CSMD1: variants seen among roughly 807,000 people sequenced by gnomAD.
CSMD1 encodes CUB and sushi domain-containing protein 1.
Under a neutral mutation model 417.5 loss-of-function variants are expected in CSMD1, and 213 were observed. The observed-to-expected ratio is 0.51, with a 90% CI of 0.46 to 0.57. The LOEUF (loss-of-function observed/expected upper bound fraction) is 0.57, where lower values mean the gene tolerates loss of function less well. Ranked by LOEUF, CSMD1 falls within the 20% of genes least tolerant of loss-of-function variation. The pLI is 0.00. For missense variants in CSMD1, 6,923 were observed against 4,529.7 expected (o/e 1.53, Z -15.17); for synonymous variants, 2,862 against 1,736.8 (o/e 1.65, Z -16.11).
intron 26 of CSMD1, among the ~76,000 whole-genome samples, chr8:3,265,828 G>A (rs1215650210): frequency 6.6e-6 from 1 of 152,066 alleles, no homozygotes; most frequent in African/African-American, 2.4e-5. Flanking sequence ...TTTGCTTGGT[G>A]GAGACCTGGG....
chr8:3,275,500 C>G (rs998992231), intron 26 of CSMD1, among the ~76,000 whole-genome samples: 4 of 152,164 alleles, frequency 2.6e-5, no homozygotes, highest in Non-Finnish European at 5.9e-5. Context: ...GGGAAGTTCT[C>G]CTGGATAATA....
chr8:3,659,243 C>G (rs1462143637), intron 7 of CSMD1, among the ~76,000 whole-genome samples: 1 of 152,120 alleles, frequency 6.6e-6, no homozygotes, highest in Non-Finnish European at 1.5e-5. Context: ...TATATTTATT[C>G]CTATGAGAAC....
intron 2 of CSMD1, among the ~76,000 whole-genome samples, chr8:4,542,456 T>C (rs771256307): frequency 6.6e-6 from 1 of 152,220 alleles, no homozygotes; most frequent in Non-Finnish European, 1.5e-5. Context: ...CTGAGAACAA[T>C]GGGATATTTG....
At chr8:3,439,296 TATATATA>T (rs1563390407) in intron 12 of CSMD1, among the ~76,000 whole-genome samples, 1 of 50,524 alleles carries the variant, frequency 2.0e-5, no homozygotes, top group Non-Finnish European at 3.4e-5. Context: ...TATATATATA[TATATATA>T]TATATATTTT....
chr8:4,668,700 T>C (rs1488696608), intron 1 of CSMD1, among the ~76,000 whole-genome samples: 3 of 152,014 alleles, frequency 2.0e-5, no homozygotes, highest in Non-Finnish European at 4.4e-5. Flanking sequence ...TCTCCCCGCG[T>C]CAGCCTCCCA....
intron 37 of CSMD1, among the ~76,000 whole-genome samples, chr8:3,179,165 TC>T (rs1280410906): frequency 2.0e-5 from 3 of 151,556 alleles, no homozygotes; most frequent in Non-Finnish European, 4.4e-5. Context: ...CAGGACTGTC[TC>T]GATCTCCTGA....
intron 1 of CSMD1, among the ~76,000 whole-genome samples, chr8:4,680,572 T>G (rs1218976158): frequency 6.6e-6 from 1 of 152,028 alleles, no homozygotes; most frequent in Non-Finnish European, 1.5e-5. Flanking sequence ...GCCACCACAT[T>G]CTAAGATAGT....
At chr8:3,733,230 T>G (rs563297357) in intron 6 of CSMD1, among the ~76,000 whole-genome samples, 1 of 146,522 alleles carries the variant, frequency 6.8e-6, no homozygotes, top group Non-Finnish European at 1.5e-5. Context: ...TACATACACA[T>G]ACATATATTA....
chr8:3,785,170 T>G (rs1799387106), intron 5 of CSMD1, among the ~76,000 whole-genome samples: 1 of 152,214 alleles, frequency 6.6e-6, no homozygotes, highest in Non-Finnish European at 1.5e-5. Context: ...AGTGCCTGTC[T>G]GCATGATGGA....
In CSMD1 at chr8:2,998,061, G is replaced by T. The variant is rs1218554416; in HGVS notation, c.8327C>A (p.Ala2776Asp). ...CCACTGGCCGTTGCTCCGACACTGG[G>T]CTCGAGACACGCCCTGCAGCAAATA... ...TGYLLQGVSR[A>D]QCRSNGQWSS... Residue 2776 changes from alanine to aspartate, a missense_variant, in exon 54 of 70, where the codon GCC (alanine) becomes GAC (aspartate). By Grantham distance (126) the Ala-to-Asp change is moderately radical. Transcript: ENST00000635120. The T allele has an allele frequency of 6.2e-7, 1 of 1,613,986 alleles. No homozygotes were observed. Among genetic ancestry groups the T allele is most frequent in the Non-Finnish European group, 8.5e-7 (1 of 1,179,864 alleles).
At chr8:4,932,177 G>C (rs950916335) in intron 1 of CSMD1, among the ~76,000 whole-genome samples, 1 of 152,068 alleles carries the variant, frequency 6.6e-6, no homozygotes, top group South Asian at 2.1e-4. Flanking sequence ...AGATAGCTTT[G>C]CTATAATTAA....
At chr8:4,274,403 C>G (rs1010803923) in intron 3 of CSMD1, among the ~76,000 whole-genome samples, 32 of 152,236 alleles carry the variant, frequency 2.1e-4, no homozygotes, top group South Asian at 1.5e-3. Context: ...TATCAACGTG[C>G]TCAAAATGTC....
At chr8:4,077,933 C>A (rs947281688) in intron 3 of CSMD1, among the ~76,000 whole-genome samples, 1 of 152,228 alleles carries the variant, frequency 6.6e-6, no homozygotes, top group South Asian at 2.1e-4. Context: ...ATCACAAAAT[C>A]CTTTACATAC....
At chr8:4,500,903 G>A (rs964139480) in intron 2 of CSMD1, among the ~76,000 whole-genome samples, 1 of 152,126 alleles carries the variant, frequency 6.6e-6, no homozygotes. Flanking sequence ...AAACAAAGGT[G>A]TTTGTATAAC....
intron 1 of CSMD1, among the ~76,000 whole-genome samples, chr8:4,918,631 G>C (rs969990826): frequency 2.0e-5 from 3 of 152,150 alleles, no homozygotes; most frequent in African/African-American, 7.2e-5. Context: ...CGTTACTTCA[G>C]ATTGATAAAT....
chr8:4,306,734 T>C (rs1385941364), intron 3 of CSMD1, among the ~76,000 whole-genome samples: 1 of 152,050 alleles, frequency 6.6e-6, no homozygotes, highest in Non-Finnish European at 1.5e-5. Flanking sequence ...TCTAAATGAG[T>C]GCCCGACCGC....
At chr8:3,748,507 C>A (rs1174053424) in intron 6 of CSMD1, among the ~76,000 whole-genome samples, 1 of 152,080 alleles carries the variant, frequency 6.6e-6, no homozygotes, top group African/African-American at 2.4e-5. Context: ...CCATTCCTTC[C>A]GCTAAACGTA....
chr8:4,411,119 C>G (rs1370032509), intron 3 of CSMD1, among the ~76,000 whole-genome samples: 1 of 152,124 alleles, frequency 6.6e-6, no homozygotes, highest in African/African-American at 2.4e-5. Flanking sequence ...TCTTCAATCT[C>G]CCAACCTCCA....
chr8:3,905,468 T>C (rs1259579509), intron 5 of CSMD1, among the ~76,000 whole-genome samples: 1 of 152,220 alleles, frequency 6.6e-6, no homozygotes, highest in Non-Finnish European at 1.5e-5. Context: ...ACGGGTCCAA[T>C]GACGGTGACT....
Sources: gnomAD v4.1 joint callset for allele counts (sites outside exome capture counted in the v4.1 genomes callset) on GRCh38, gnomAD v4.1.1 for gene constraint, MANE v1.5 for transcripts, NCBI Gene and HGNC (gene_info 2026-07-23, HGNC 2026-07-21) for gene names.